CFAP58: variants seen among roughly 807,000 people sequenced by gnomAD.
The protein encoded by CFAP58 is cilia- and flagella-associated protein 58.
Under a neutral mutation model 119.5 loss-of-function variants are expected in CFAP58, and 88 were observed. The ratio of observed to expected loss-of-function variants is 0.74; its 90% CI spans 0.62 to 0.88. CFAP58 has a LOEUF of 0.88. Among genes scored for constraint, CFAP58 ranks in the 40% least tolerant of loss-of-function variants. The pLI is 0.00. For synonymous variants in CFAP58, 365 were observed against 366.3 expected, an observed-to-expected ratio of 1.00 and a Z score of 0.04; for missense variants, 990 against 1,021.2, an observed-to-expected ratio of 0.97 and a Z score of 0.42.
chr10:104,411,002 C>T (rs2012451621), intron 15 of CFAP58, among the ~76,000 whole-genome samples: 1 of 152,032 alleles, frequency 6.6e-6, no homozygotes, highest in Non-Finnish European at 1.5e-5. Context: ...TGCAGTGGTG[C>T]AATCTTGGCG....
intron 7 of CFAP58, among the ~76,000 whole-genome samples, chr10:104,375,231 AAT>A (rs113164485): frequency 1.3e-5 from 2 of 150,238 alleles, no homozygotes; most frequent in African/African-American, 2.4e-5. Context: ...TGTATTTACA[AAT>A]ATATATATAA....
chr10:104,437,022 C>T (rs2012946342), intron 15 of CFAP58, among the ~76,000 whole-genome samples: 1 of 152,136 alleles, frequency 6.6e-6, no homozygotes, highest in South Asian at 2.1e-4. Context: ...TATATATATC[C>T]ATTTCTATCT....
chr10:104,404,558 A>T (rs894369826), intron 14 of CFAP58, among the ~76,000 whole-genome samples: 1 of 152,228 alleles, frequency 6.6e-6, no homozygotes, highest in Admixed American at 6.5e-5. Context: ...GTCATATAAG[A>T]TAAAGCAGGG....
At chr10:104,426,327 T>C (rs980026185) in intron 15 of CFAP58, among the ~76,000 whole-genome samples, 1 of 152,118 alleles carries the variant, frequency 6.6e-6, no homozygotes, top group African/African-American at 2.4e-5. Context: ...AAGGTGGCTT[T>C]CGGTCTTTCC....
intron 1 of CFAP58, among the ~76,000 whole-genome samples, chr10:104,354,185 T>C (rs1467295678): frequency 6.6e-6 from 1 of 152,278 alleles, no homozygotes; most frequent in East Asian, 1.9e-4. Context: ...ACACGTGACA[T>C]GCACCCAGCC....
chr10:104,410,614 C>T (rs1462587826), intron 15 of CFAP58, among the ~76,000 whole-genome samples: 2 of 152,134 alleles, frequency 1.3e-5, no homozygotes, highest in South Asian at 2.1e-4. Context: ...TGTTTCTGCT[C>T]CTTTTTAGGT....
intron 1 of CFAP58, among the ~76,000 whole-genome samples, chr10:104,358,060 T>C (rs2014614120): frequency 2.1e-5 from 3 of 146,104 alleles, no homozygotes; most frequent in Admixed American, 6.9e-5. Flanking sequence ...TATATGTACA[T>C]ATATACACAT....
intron 1 of CFAP58, among the ~76,000 whole-genome samples, 199 bp downstream of exon 1, chr10:104,354,105 A>G (rs2014507543): frequency 1.3e-5 from 2 of 151,986 alleles, no homozygotes; most frequent in South Asian, 2.1e-4. Flanking sequence ...TTGTGTGGAC[A>G]CCCCACTATC....
chr10:104,344,089 G>C, the CFAP58 span, among the ~76,000 whole-genome samples: 1 of 152,168 alleles, frequency 6.6e-6, no homozygotes, highest in South Asian at 2.1e-4. Flanking sequence ...TCTCTGTTTT[G>C]AAAACTGTTA....
At chr10:104,394,696 C>T (rs1174539530) in intron 11 of CFAP58, among the ~76,000 whole-genome samples, 1 of 152,200 alleles carries the variant, frequency 6.6e-6, no homozygotes, top group Non-Finnish European at 1.5e-5. Flanking sequence ...TCATCTCCCC[C>T]ACTCTAGCTT....
At chr10:104,373,413 C>T (rs945379850) in intron 7 of CFAP58, among the ~76,000 whole-genome samples, 22 of 151,882 alleles carry the variant, frequency 1.4e-4, no homozygotes, top group Admixed American at 2.0e-4. Context: ...ACAGAAGGAT[C>T]GCTTAAGGCT....
chr10:104,346,110 T>G, the CFAP58 span, among the ~76,000 whole-genome samples: 1 of 151,880 alleles, frequency 6.6e-6, no homozygotes, highest in East Asian at 1.9e-4. Flanking sequence ...TGAGCTGGTG[T>G]GTCACGTGGC....
intron 15 of CFAP58, among the ~76,000 whole-genome samples, chr10:104,417,958 C>G (rs925967848): frequency 2.6e-5 from 4 of 152,168 alleles, no homozygotes; most frequent in African/African-American, 9.7e-5. Context: ...TGGCCTACCA[C>G]CTGTTTTTAT....
chr10:104,433,208 C>T (rs1450352073), intron 15 of CFAP58, among the ~76,000 whole-genome samples: 3 of 152,222 alleles, frequency 2.0e-5, no homozygotes, highest in Non-Finnish European at 4.4e-5. Context: ...ATCCACCTGC[C>T]TCAGCCTCCT....
Position 104,407,313 on chromosome 10 carries a change from CCATCAT to C in CFAP58, c.2256+538_2256+543del, listed in dbSNP as rs543463749. On this transcript the variant is annotated intron_variant, in intron 15 of 17. Transcript: ENST00000369704. ...ATCATCATCACCATCTTCCTCACTG[CCATCAT>C]CATCATCATCATCATCACTTACTGC... Among the ~76,000 whole-genome samples the C allele has an allele frequency of 5.3e-5, 8 of 152,106 alleles. No homozygotes were observed. The South Asian group carries it at 1.0e-3, about 20-fold the overall frequency.
chr10:104,376,360 C>T (rs748660876), intron 7 of CFAP58, among the ~76,000 whole-genome samples: 5 of 151,646 alleles, frequency 3.3e-5, no homozygotes, highest in Non-Finnish European at 7.4e-5. Flanking sequence ...AATAATTAGC[C>T]GGGCATGGTG....
intron 2 of CFAP58, among the ~76,000 whole-genome samples, chr10:104,361,302 AGCATTT>A (rs1282738326): frequency 3.3e-5 from 5 of 152,222 alleles, no homozygotes; most frequent in Admixed American, 1.3e-4. Flanking sequence ...CCCATATATA[AGCATTT>A]GATGAGAAGG....
chr10:104,353,773 G>T, upstream of CFAP58: 1 of 1,177,560 alleles, frequency 8.5e-7, no homozygotes, highest in Non-Finnish European at 1.2e-6. Context: ...CGCGCCGAGC[G>T]CGGGTTTCCG....
At chr10:104,357,815 G>T (rs561229996) in intron 1 of CFAP58, among the ~76,000 whole-genome samples, 2 of 146,184 alleles carry the variant, frequency 1.4e-5, no homozygotes, top group Admixed American at 6.8e-5. Flanking sequence ...ACATATATAT[G>T]TACATATATA....
Sources: gnomAD v4.1 joint callset for allele counts (sites outside exome capture counted in the v4.1 genomes callset) on GRCh38, gnomAD v4.1.1 for gene constraint, MANE v1.5 for transcripts, NCBI Gene and HGNC (gene_info 2026-07-23, HGNC 2026-07-21) for gene names.